The following TYR variants were observed in gnomAD, a reference collection of about 807,000 sequenced individuals.
TYR encodes the protein LB24-AB.
Under a neutral mutation model 51.5 loss-of-function variants are expected in TYR, and 58 were observed. The observed-to-expected ratio is 1.13, with a 90% CI of 0.91 to 1.40. TYR has a LOEUF of 1.40. Ranked by LOEUF, TYR falls within the 40% of genes most tolerant of loss-of-function variation. TYR has a pLI of 0.00. For synonymous variants in TYR, 263 were observed against 235.2 expected (o/e 1.12, Z -1.08); for missense variants, 732 against 647.4 (o/e 1.13, Z -1.42).
chr11:89,185,899 C>A (rs3793976), intron 1 of TYR, among the ~76,000 whole-genome samples: 31,389 of 152,036 alleles, frequency 0.21, 4,763 homozygotes, highest in African/African-American at 0.43. Context: ...TCTTCTGCCT[C>A]CATATAAATG....
intron 2 of TYR, among the ~76,000 whole-genome samples, chr11:89,226,325 T>C (rs1251923624): frequency 2.0e-5 from 3 of 152,180 alleles, no homozygotes; most frequent in Non-Finnish European, 2.9e-5. Context: ...TTTCCATTTC[T>C]ATAATAATGT....
chr11:89,183,068 T>C (rs1026792293), intron 1 of TYR, among the ~76,000 whole-genome samples: 13 of 152,092 alleles, frequency 8.5e-5, no homozygotes, highest in African/African-American at 2.9e-4. Context: ...AAAGATTTTG[T>C]GGAATGTCAT....
intron 3 of TYR, among the ~76,000 whole-genome samples, chr11:89,246,913 G>A (rs1944274170): frequency 6.6e-6 from 1 of 152,150 alleles, no homozygotes. Flanking sequence ...GGTTATGGGG[G>A]TAGGTAAGCT....
intron 3 of TYR, among the ~76,000 whole-genome samples, chr11:89,258,817 C>T (rs1342739637): frequency 6.6e-6 from 1 of 152,026 alleles, no homozygotes; most frequent in Non-Finnish European, 1.5e-5. Context: ...AAATCTAATA[C>T]CAGAGACCAA....
chr11:89,262,847 C>CAAAAAAAAAAAAAAAAAAAAAAAAAAAA (rs771958187), intron 3 of TYR, among the ~76,000 whole-genome samples: 9 of 19,304 alleles, frequency 4.7e-4, no homozygotes, highest in South Asian at 2.7e-3. Context: ...GCTACTCATC[C>CAAAAAAAAAAAAAAAAAAAAAAAAAAAA]AAAAAAAAAA....
intron 3 of TYR, among the ~76,000 whole-genome samples, chr11:89,259,622 A>G (rs1310362796): frequency 1.3e-5 from 2 of 152,144 alleles, no homozygotes; most frequent in African/African-American, 4.8e-5. Flanking sequence ...CAGAGTTCAT[A>G]AAATTCCTCG....
chr11:89,246,801 C>T (rs1312281532), intron 3 of TYR, among the ~76,000 whole-genome samples: 3 of 152,020 alleles, frequency 2.0e-5, no homozygotes, highest in African/African-American at 2.4e-5. Flanking sequence ...ACCAGAAGGG[C>T]GGCAGTAAGA....
chr11:89,219,179 T>C (rs11018535), intron 2 of TYR, among the ~76,000 whole-genome samples: 12,420 of 152,156 alleles, frequency 0.082, 575 homozygotes, highest in South Asian at 0.15. Flanking sequence ...AGAAGCCAAA[T>C]TCCAAACAAT....
At chr11:89,280,070 G>C (rs1189721970) in intron 3 of TYR, among the ~76,000 whole-genome samples, 1 of 151,546 alleles carries the variant, frequency 6.6e-6, no homozygotes, top group Non-Finnish European at 1.5e-5. Flanking sequence ...AGTGATTTCA[G>C]TTGACTACTC....
At chr11:89,292,927 G>C (rs1229927282) in intron 4 of TYR, among the ~76,000 whole-genome samples, 1 of 152,114 alleles carries the variant, frequency 6.6e-6, no homozygotes, top group Non-Finnish European at 1.5e-5. Context: ...TAAAGGAATG[G>C]CCTGCTAGAG....
intron 2 of TYR, among the ~76,000 whole-genome samples, chr11:89,191,700 C>A (rs1411474515): frequency 6.6e-6 from 1 of 152,066 alleles, no homozygotes; most frequent in African/African-American, 2.4e-5. Context: ...TTTCAGGCTG[C>A]AGTGAGCTAT....
At chr11:89,251,600 T>A (rs1160920790) in intron 3 of TYR, among the ~76,000 whole-genome samples, 1 of 151,876 alleles carries the variant, frequency 6.6e-6, no homozygotes, top group Admixed American at 6.6e-5. Context: ...TGTGTCCTTA[T>A]ACAAAGCATA....
At chr11:89,243,710 A>C (rs1221285475) in intron 3 of TYR, among the ~76,000 whole-genome samples, 2 of 152,188 alleles carry the variant, frequency 1.3e-5, no homozygotes, top group African/African-American at 4.8e-5. Flanking sequence ...GTTAACTAGC[A>C]AACTGGCTAA....
chr11:89,211,562 G>C (rs989305141), intron 2 of TYR, among the ~76,000 whole-genome samples: 2 of 152,120 alleles, frequency 1.3e-5, no homozygotes, highest in African/African-American at 4.8e-5. Context: ...AAATTAGCAA[G>C]GTTATCCGGG....
chr11:89,260,173 T>C (rs1191181470), intron 3 of TYR, among the ~76,000 whole-genome samples: 1 of 151,786 alleles, frequency 6.6e-6, no homozygotes, highest in African/African-American at 2.4e-5. Flanking sequence ...TCATCTACTA[T>C]CAGACAGTTT....
chr11:89,224,555 T>C (rs1943953537), intron 2 of TYR, among the ~76,000 whole-genome samples: 1 of 152,080 alleles, frequency 6.6e-6, no homozygotes, highest in African/African-American at 2.4e-5. Flanking sequence ...TTTAAGAAAA[T>C]TTATTTTTAG....
At chr11:89,256,823 G>A (rs1321660710) in intron 3 of TYR, among the ~76,000 whole-genome samples, 1 of 151,852 alleles carries the variant, frequency 6.6e-6, no homozygotes, top group African/African-American at 2.4e-5. Flanking sequence ...CATTGAAGGA[G>A]GAGCCTCACA....
intron 3 of TYR, among the ~76,000 whole-genome samples, chr11:89,279,131 T>C (rs1944690577): frequency 6.6e-6 from 1 of 151,560 alleles, no homozygotes; most frequent in South Asian, 2.1e-4. Flanking sequence ...GTAAAGGAGA[T>C]TGGAAGGCCT....
intron 1 of TYR, among the ~76,000 whole-genome samples, chr11:89,182,539 G>T (rs1207991981): frequency 2.0e-5 from 3 of 152,156 alleles, no homozygotes; most frequent in Non-Finnish European, 4.4e-5. Context: ...ATAGCTGAGT[G>T]TGATTTAAAT....
Sources: allele counts gnomAD v4.1 joint callset (sites outside exome capture counted in the v4.1 genomes callset), GRCh38; gene constraint gnomAD v4.1.1; transcripts MANE v1.5; gene names NCBI Gene and HGNC (gene_info 2026-07-23, HGNC 2026-07-21).